NF2: variants seen among roughly 807,000 people sequenced by gnomAD.
The protein encoded by NF2 is merlin.
In NF2, 8 loss-of-function variants were observed where a neutral mutation model predicts 83.7. That is an observed-to-expected ratio of 0.10 (90% CI 0.06 to 0.17). The LOEUF (loss-of-function observed/expected upper bound fraction) is 0.17. NF2 is among the 10% of genes least tolerant of loss of function. The pLI is 1.00. For synonymous variants in NF2, 266 were observed against 269.6 expected (o/e 0.99, Z 0.13); for missense variants, 533 against 744.4 (o/e 0.72, Z 3.31).
intron 11 of NF2, among the ~76,000 whole-genome samples, chr22:29,672,617 TTTA>T (rs1490463655): frequency 7.3e-6 from 1 of 137,340 alleles, no homozygotes; most frequent in Non-Finnish European, 1.6e-5. Flanking sequence ...CAGCTGTACT[TTTA>T]TTTTTTTTTT....
intron 14 of NF2, among the ~76,000 whole-genome samples, chr22:29,679,055 G>A (rs988319133): frequency 6.6e-6 from 1 of 152,206 alleles, no homozygotes. Flanking sequence ...CAGGGGTTTT[G>A]GCTTTTGTCT....
Position 29,668,350 on chromosome 22 carries a change from C to A in NF2, c.903C>A (p.Ile301=). ...GGCCACAGATTCTCCAGCTATGTAT[C>A]GGGAACCATGATCTATTTATGAGGA... is the stretch of plus-strand genomic sequence containing the variant. ...RVNKLILQLC[I]GNHDLFMRRR... The change falls in exon 10 of 16, where the codon ATC becomes ATA. Residue 301 remains isoleucine, a synonymous_variant. Transcript: ENST00000338641. 6.2e-7 allele frequency: 1 copy of A among 1,613,496 alleles called. No homozygotes were observed. Among genetic ancestry groups the A allele is most frequent in the Non-Finnish European group, 8.5e-7 (1 of 1,179,600 alleles).
Position 29,668,328 on chromosome 22 carries a change from C to T in NF2, c.886-5C>T, listed in dbSNP as rs1157713907. 2 of 1,609,332 alleles carry T rather than the reference C, an allele frequency of 1.2e-6. No individual in the cohort carries two copies. The highest frequency in any genetic ancestry group is 1.3e-5 in the African/African-American group (1 of 74,802). On this transcript the variant is annotated splice_polypyrimidine_tract_variant and splice_region_variant and intron_variant, in intron 9 of 15. Transcript: ENST00000338641. ...TAACCTTTTTGTCTGCTTCTGTGGC[C>T]ACAGATTCTCCAGCTATGTATCGGG...
rs1412177766 is a variant in NF2 at position 29,636,910 on chromosome 22, G to C, written c.240+34G>C. ...AGAACTCGATGAAACTGGTGGGGCTGACGTGAGCTTTCCAGTTTTTCCCTG... is the reference window on the plus strand; with the variant it reads ...AGAACTCGATGAAACTGGTGGGGCTCACGTGAGCTTTCCAGTTTTTCCCTG... On this transcript the variant is annotated intron_variant, in intron 2 of 15. Transcript: ENST00000338641. The surrounding 1 kb of genome is among the most constrained non-coding windows in gnomAD (Gnocchi z 4.4). 1.2e-6 allele frequency: 2 copies of C among 1,613,448 alleles called. No individual in the cohort carries two copies. The highest frequency in any genetic ancestry group is 3.3e-5 in the Admixed American group (2 of 60,028).
chr22:29,639,025 T>C, intron 2 of NF2, 65 bp from the exon 3 acceptor site: 2 of 1,612,866 alleles, frequency 1.2e-6, no homozygotes, highest in Non-Finnish European at 1.7e-6. Context: ...CAAAGGCTTC[T>C]TTGAGGGTAG....
At chr22:29,655,533 G>T (rs568134420) in intron 5 of NF2, 61 bp from the exon 6 acceptor site, 6 of 1,218,284 alleles carry the variant, frequency 4.9e-6, no homozygotes, top group South Asian at 1.2e-5. Flanking sequence ...TTATAAAAGT[G>T]GCAAACAATA....
intron 6 of NF2, among the ~76,000 whole-genome samples, chr22:29,657,747 G>C (rs778759322): frequency 1.3e-5 from 2 of 152,216 alleles, no homozygotes; most frequent in African/African-American, 2.4e-5. Context: ...ACAATACTCA[G>C]GAAGCTTGCA....
Position 29,631,764 on chromosome 22 carries a change from T to G in NF2, c.115-4987T>G, listed in dbSNP as rs533146077. The stretch of plus-strand genomic sequence containing the variant: ...CTATGGGCCAAGCACTCTCTTAGGG[T>G]TTTTAAATGAATCAATGCACTTAAT... On this transcript the variant is annotated intron_variant, in intron 1 of 15. Transcript: ENST00000338641. Among the ~76,000 whole-genome samples, 18 of 152,226 alleles carry G rather than the reference T, an allele frequency of 1.2e-4. 1 individual carries two copies. In the South Asian group the frequency reaches 3.5e-3, roughly 30 times the overall value.
At chr22:29,651,333 T>G (rs552235429) in intron 4 of NF2, among the ~76,000 whole-genome samples, 1 of 152,322 alleles carries the variant, frequency 6.6e-6, no homozygotes, top group South Asian at 2.1e-4. Flanking sequence ...TTAAATTCAA[T>G]TAGTTTATGT....
chr22:29,649,546 G>A (rs1463635462), intron 4 of NF2, among the ~76,000 whole-genome samples: 2 of 151,942 alleles, frequency 1.3e-5, no homozygotes, highest in Admixed American at 1.3e-4. Context: ...CCAGAAAAAG[G>A]CAAAAACAAA....
At chr22:29,643,962 CGGGGGG>C (rs1569285775) in intron 4 of NF2, among the ~76,000 whole-genome samples, 1 of 127,856 alleles carries the variant, frequency 7.8e-6, no homozygotes, top group African/African-American at 2.9e-5. Flanking sequence ...GCTGGCCTGG[CGGGGGG>C]CTGACCCCCC....
Position 29,626,360 on chromosome 22 carries a change from G to A in NF2, c.115-10391G>A, listed in dbSNP as rs539153960. 2.0e-5 allele frequency among the ~76,000 whole-genome samples: 3 copies of A among 151,894 alleles called. No individual in the cohort carries two copies. In the South Asian group the frequency reaches 6.3e-4, roughly 32 times the overall value. On this transcript the variant is annotated intron_variant, in intron 1 of 15. Coordinates refer to ENST00000338641, the MANE Select transcript of NF2 (RefSeq NM_000268.4). ...GTAGAGACAGGGTTTCACCATGTTG[G>A]CCAGGATGGTCTCGATCTCTTGATC...
At position 29,630,518 on chromosome 22, in the gene NF2, C is replaced by T. The variant is rs145471129; in HGVS notation, c.115-6233C>T. Among the ~76,000 whole-genome samples the T allele has an allele frequency of 3.1e-3, 475 of 152,318 alleles. 3 individuals carry two copies. Among genetic ancestry groups the T allele is most frequent in the African/African-American group, 0.011 (449 of 41,566 alleles). On this transcript the variant is annotated intron_variant, in intron 1 of 15. Coordinates refer to ENST00000338641, the MANE Select transcript of NF2 (RefSeq NM_000268.4). The stretch of plus-strand genomic sequence containing the variant: ...TAATGGGTGAGCACAGCCACAAAGG[C>T]GAGAAGCATCCGACTTCCAGACTCC...
chr22:29,687,720 C>T (rs1156444528), intron 15 of NF2, among the ~76,000 whole-genome samples: 1 of 152,162 alleles, frequency 6.6e-6, no homozygotes, highest in Non-Finnish European at 1.5e-5. Context: ...TAAAAGGTAG[C>T]ATACTGGCTC....
chr22:29,641,556 C>T (rs2065811559), intron 3 of NF2, among the ~76,000 whole-genome samples: 2 of 152,186 alleles, frequency 1.3e-5, no homozygotes, highest in Non-Finnish European at 2.9e-5. Flanking sequence ...CCCCCTGCCA[C>T]GTCATGCAGT....
chr22:29,633,829 C>A (rs1228223180), intron 1 of NF2, among the ~76,000 whole-genome samples: 3 of 152,198 alleles, frequency 2.0e-5, no homozygotes, highest in Admixed American at 6.5e-5. Context: ...GCCTGTTTCT[C>A]CTGCAGAACA....
chr22:29,616,383 G>A (rs2065082106), intron 1 of NF2, among the ~76,000 whole-genome samples: 1 of 152,180 alleles, frequency 6.6e-6, no homozygotes, highest in South Asian at 2.1e-4. Flanking sequence ...GCATGACTGT[G>A]TTCCAAGAAA....
chr22:29,647,722 A>C (rs1231774725), intron 4 of NF2, among the ~76,000 whole-genome samples: 2 of 152,042 alleles, frequency 1.3e-5, no homozygotes, highest in African/African-American at 2.4e-5. Context: ...ATCTACTTTG[A>C]GATGTATCCA....
At chr22:29,617,739 G>A (rs1358815020) in intron 1 of NF2, among the ~76,000 whole-genome samples, 1 of 152,184 alleles carries the variant, frequency 6.6e-6, no homozygotes, top group African/African-American at 2.4e-5. Flanking sequence ...AGTAGTTCTG[G>A]GATGGAAGTG....
Sources: allele counts gnomAD v4.1 joint callset (sites outside exome capture counted in the v4.1 genomes callset), GRCh38; gene constraint gnomAD v4.1.1; non-coding constraint Gnocchi (gnomAD v3.1); transcripts MANE v1.5; gene names NCBI Gene and HGNC (gene_info 2026-07-23, HGNC 2026-07-21).